Variants in MAGI1 observed in about 807,000 individuals in gnomAD.
The protein encoded by MAGI1 is membrane-associated guanylate kinase, WW and PDZ domain-containing protein 1.
MAGI1 carries 58 observed loss-of-function variants against 139.9 expected under a neutral mutation model. The observed-to-expected ratio is 0.41, with a 90% CI of 0.34 to 0.52. MAGI1 has a LOEUF of 0.52. Among genes scored for constraint, MAGI1 ranks in the 20% least tolerant of loss-of-function variants. The pLI, the probability that MAGI1 is intolerant of heterozygous loss-of-function variation, is 0.12. For synonymous variants in MAGI1, 812 were observed against 737.9 expected (o/e 1.10, Z -1.63); for missense variants, 1,874 against 1,901.6 (o/e 0.99, Z 0.27).
intron 1 of MAGI1, among the ~76,000 whole-genome samples, chr3:65,724,896 T>C (rs1215326743): frequency 6.6e-6 from 1 of 152,012 alleles, no homozygotes; most frequent in Admixed American, 6.6e-5. Flanking sequence ...CATGATTCAA[T>C]TACCTCCCAC....
chr3:65,540,403 T>A (rs2079154717), intron 2 of MAGI1, among the ~76,000 whole-genome samples: 1 of 152,194 alleles, frequency 6.6e-6, no homozygotes. Flanking sequence ...CTCCATAATG[T>A]AAGCTTGGTT....
chr3:65,988,552 C>T (rs1471702716), intron 1 of MAGI1, among the ~76,000 whole-genome samples: 1 of 152,154 alleles, frequency 6.6e-6, no homozygotes, highest in African/African-American at 2.4e-5. Context: ...ATAGCAGAAA[C>T]ACAACAAAGA....
At position 65,517,902 on chromosome 3, in the gene MAGI1, G is replaced by GA. The variant is rs201499650; in HGVS notation, c.431-24272dup. ...TTCCCCATAACAGAGTCCCTCTGTT[G>GA]AAAAACCTAGTATGATTTTTGCTTT... On this transcript the variant is annotated intron_variant, in intron 2 of 22. Coordinates refer to ENST00000402939, the MANE Select transcript of MAGI1 (RefSeq NM_001033057.2). Among the ~76,000 whole-genome samples, 834 of 152,200 alleles carry GA rather than the reference G, an allele frequency of 5.5e-3. 7 individuals carry two copies. Among genetic ancestry groups the GA allele is most frequent in the African/African-American group, 0.019 (775 of 41,514 alleles).
chr3:65,410,203 T>C (rs997062760), intron 12 of MAGI1, among the ~76,000 whole-genome samples: 6 of 152,246 alleles, frequency 3.9e-5, no homozygotes, highest in African/African-American at 1.4e-4. Context: ...TGGATGATCC[T>C]ATTGTTGCTA....
intron 1 of MAGI1, among the ~76,000 whole-genome samples, chr3:65,875,475 T>C (rs1424557067): frequency 1.3e-5 from 2 of 152,154 alleles, no homozygotes; most frequent in African/African-American, 4.8e-5. Context: ...TTACAAAATG[T>C]TTTTTACAAA....
intron 1 of MAGI1, among the ~76,000 whole-genome samples, chr3:66,006,841 G>GTTTTGTTTTGT (rs149234512): frequency 2.8e-4 from 42 of 148,422 alleles, no homozygotes; most frequent in African/African-American, 1.1e-3. Context: ...GTTTTGTTTT[G>GTTTTGTTTTGT]TTTATTAGAG....
chr3:65,798,878 C>T (rs2040328738), intron 1 of MAGI1, among the ~76,000 whole-genome samples: 1 of 152,134 alleles, frequency 6.6e-6, no homozygotes, highest in African/African-American at 2.4e-5. Context: ...GGGAACCGGC[C>T]TTTAGGACAG....
intron 1 of MAGI1, among the ~76,000 whole-genome samples, chr3:65,987,466 G>A (rs1360720763): frequency 6.6e-6 from 1 of 152,180 alleles, no homozygotes; most frequent in African/African-American, 2.4e-5. Flanking sequence ...GAGGTGGGAG[G>A]CCAGGGTAGG....
chr3:65,475,835 C>G (rs1369933985), intron 4 of MAGI1, among the ~76,000 whole-genome samples: 1 of 151,996 alleles, frequency 6.6e-6, no homozygotes, highest in Non-Finnish European at 1.5e-5. Context: ...GATCTTTTGT[C>G]TGCACAGTCC....
rs143755201 is a variant in MAGI1, at chr3:65,384,006, G to T, written c.2417-383C>A. Among the ~76,000 whole-genome samples, 391 of 152,294 alleles carry T rather than the reference G, an allele frequency of 2.6e-3. 1 individual carries two copies. Among genetic ancestry groups the T allele is most frequent in the African/African-American group, 9.0e-3 (375 of 41,568 alleles). ...GGTGTCCATGTCCAAGAACACTCAG[G>T]CTAAGTCAGAGTCACCTCTGAAGCC... On this transcript the variant is annotated intron_variant, in intron 14 of 22. Coordinates refer to ENST00000402939, the MANE Select transcript of MAGI1 (RefSeq NM_001033057.2).
intron 1 of MAGI1, among the ~76,000 whole-genome samples, chr3:65,622,624 C>T (rs1018543794): frequency 2.3e-4 from 35 of 151,968 alleles, no homozygotes; most frequent in African/African-American, 7.7e-4. Flanking sequence ...AGTGCGATGG[C>T]GCGATCTCAG....
At chr3:65,807,984 G>A (rs1385534761) in intron 1 of MAGI1, among the ~76,000 whole-genome samples, 2 of 151,218 alleles carry the variant, frequency 1.3e-5, no homozygotes, top group Non-Finnish European at 2.9e-5. Context: ...GAGAGGCTAA[G>A]TTCGGCGGAT....
At chr3:65,379,575 C>T (rs1023736745) in intron 16 of MAGI1, 21 bp from the exon 17 acceptor site, 3 of 1,588,300 alleles carry the variant, frequency 1.9e-6, no homozygotes, top group African/African-American at 1.3e-5. Flanking sequence ...GAGATGCACG[C>T]GTACATCACC....
intron 2 of MAGI1, among the ~76,000 whole-genome samples, chr3:65,567,409 G>C (rs1196079372): frequency 6.6e-6 from 1 of 151,866 alleles, no homozygotes. Context: ...GATGGATAAA[G>C]ACCAGAAAAT....
chr3:65,553,146 GT>G (rs548937994), intron 2 of MAGI1, among the ~76,000 whole-genome samples: 82 of 145,304 alleles, frequency 5.6e-4, no homozygotes, highest in Middle Eastern at 3.5e-3. Flanking sequence ...TGAGTTGTTG[GT>G]TTTTTTTTTT....
At chr3:65,394,422 G>T (rs1944219805) in intron 13 of MAGI1, among the ~76,000 whole-genome samples, 1 of 152,164 alleles carries the variant, frequency 6.6e-6, no homozygotes, top group South Asian at 2.1e-4. Flanking sequence ...GGAGCATCCT[G>T]AGAATATGCT....
Position 66,000,967 on chromosome 3 carries a change from G to A in MAGI1, c.313+37029C>T, listed in dbSNP as rs564385323. 5.9e-5 allele frequency among the ~76,000 whole-genome samples: 9 copies of A among 152,352 alleles called. No homozygotes were observed. The South Asian group carries it at 1.9e-3, about 32-fold the overall frequency. On this transcript the variant is annotated intron_variant, in intron 1 of 22. Transcript: ENST00000402939. Reference sequence around the variant, plus strand: ...AAGCTCCAAAAGTTGCAGTCGGCATGTATTAAGATATTATAAAGATGTCTT... The same window carrying A: ...AAGCTCCAAAAGTTGCAGTCGGCATATATTAAGATATTATAAAGATGTCTT...
At chr3:65,742,579 G>A (rs142054954) in intron 1 of MAGI1, among the ~76,000 whole-genome samples, 7 of 152,196 alleles carry the variant, frequency 4.6e-5, no homozygotes, top group African/African-American at 1.7e-4. Flanking sequence ...GATTAAAGGA[G>A]ATATTGTGTG....
chr3:65,688,402 G>A, intron 1 of MAGI1: 1 of 546,754 alleles, frequency 1.8e-6, no homozygotes. Flanking sequence ...AGGAAAGGGA[G>A]GAAGAAGAGA....
Sources: gnomAD v4.1 joint callset for allele counts (sites outside exome capture counted in the v4.1 genomes callset) on GRCh38, gnomAD v4.1.1 for gene constraint, MANE v1.5 for transcripts, NCBI Gene and HGNC (gene_info 2026-07-23, HGNC 2026-07-21) for gene names.